The following CTNNA3 variants were observed in gnomAD, a reference collection of about 807,000 sequenced individuals.
The protein encoded by CTNNA3 is catenin alpha-3.
A neutral mutation model predicts 95.7 loss-of-function variants in CTNNA3; 76 were observed. The observed-to-expected ratio is 0.79, with a 90% CI of 0.66 to 0.96. The LOEUF is 0.96. CTNNA3 is among the 40% of genes least tolerant of loss of function. The probability of loss-of-function intolerance (pLI) is 0.00; values close to 1 mark genes in which losing one functional copy is unlikely to be tolerated. For synonymous variants in CTNNA3, 431 were observed against 374.4 expected (o/e 1.15, Z -1.74); for missense variants, 1,191 against 1,089.8 (o/e 1.09, Z -1.31).
intron 11 of CTNNA3, among the ~76,000 whole-genome samples, chr10:66,445,407 G>T (rs1382333798): frequency 3.3e-5 from 5 of 151,788 alleles, no homozygotes; most frequent in Non-Finnish European, 7.4e-5. Flanking sequence ...TTCCAAAATT[G>T]ACCACATAGT....
intron 10 of CTNNA3, among the ~76,000 whole-genome samples, chr10:66,568,800 AC>A (rs1300846538): frequency 6.6e-6 from 1 of 151,870 alleles, no homozygotes; most frequent in East Asian, 2.0e-4. Context: ...GGAATAGTAA[AC>A]AAAGAGAAAC....
chr10:66,720,403 G>T (rs1436564824), intron 9 of CTNNA3, among the ~76,000 whole-genome samples: 3 of 152,164 alleles, frequency 2.0e-5, no homozygotes, highest in Non-Finnish European at 4.4e-5. Flanking sequence ...CCTTTCATTT[G>T]CAACAAGTTG....
intron 7 of CTNNA3, among the ~76,000 whole-genome samples, chr10:66,914,657 T>C (rs1455070708): frequency 6.6e-6 from 1 of 151,972 alleles, no homozygotes; most frequent in Admixed American, 6.6e-5. Context: ...AAAGAGCTCA[T>C]GGAGCTAACC....
intron 5 of CTNNA3, among the ~76,000 whole-genome samples, chr10:67,512,877 C>T (rs955983299): frequency 1.3e-5 from 2 of 151,892 alleles, no homozygotes; most frequent in Admixed American, 6.6e-5. Context: ...CCCAGCTACT[C>T]GGGAAGCGGA....
At chr10:66,180,830 A>C (rs1278669372) in intron 13 of CTNNA3, among the ~76,000 whole-genome samples, 1 of 152,188 alleles carries the variant, frequency 6.6e-6, no homozygotes, top group East Asian at 1.9e-4. Flanking sequence ...ATCTGAGCTA[A>C]GCTTGAAGTG....
intron 9 of CTNNA3, among the ~76,000 whole-genome samples, chr10:66,707,755 T>C (rs1034129135): frequency 1.3e-5 from 2 of 152,106 alleles, no homozygotes; most frequent in African/African-American, 4.8e-5. Flanking sequence ...TTCAAAACCA[T>C]ATTTCATGTG....
chr10:66,993,411 T>A, intron 7 of CTNNA3, among the ~76,000 whole-genome samples: 1 of 152,180 alleles, frequency 6.6e-6, no homozygotes, highest in East Asian at 1.9e-4. Context: ...AGTGGCAATG[T>A]CACTTTGCTA....
chr10:67,685,502 G>A (rs1840713565), intron 1 of CTNNA3, among the ~76,000 whole-genome samples: 1 of 152,182 alleles, frequency 6.6e-6, no homozygotes. Flanking sequence ...AGGTCTGGTT[G>A]GACCTTTGTA....
At chr10:67,490,033 A>G (rs1848592577) in intron 5 of CTNNA3, among the ~76,000 whole-genome samples, 1 of 152,096 alleles carries the variant, frequency 6.6e-6, no homozygotes, top group African/African-American at 2.4e-5. Flanking sequence ...ATGTAATTTT[A>G]TTCTCATGTA....
intron 5 of CTNNA3, among the ~76,000 whole-genome samples, chr10:67,229,029 G>C (rs1455965598): frequency 1.3e-5 from 2 of 151,984 alleles, no homozygotes; most frequent in Non-Finnish European, 2.9e-5. Flanking sequence ...AGAAAATTAT[G>C]GACCGAGATC....
chr10:67,750,807 A>G, intron 1 of CTNNA3: 2 of 1,609,758 alleles, frequency 1.2e-6, no homozygotes, highest in Non-Finnish European at 1.7e-6. Context: ...ACAAACCTGG[A>G]CTGAAATATA....
At chr10:66,417,118 A>G (rs571786122) in intron 11 of CTNNA3, among the ~76,000 whole-genome samples, 2 of 152,158 alleles carry the variant, frequency 1.3e-5, no homozygotes, top group African/African-American at 4.8e-5. Flanking sequence ...TAAAAAAATG[A>G]TCCAACTACA....
intron 11 of CTNNA3, among the ~76,000 whole-genome samples, chr10:66,431,646 A>T (rs1343763229): frequency 6.6e-6 from 1 of 151,430 alleles, no homozygotes; most frequent in Non-Finnish European, 1.5e-5. Context: ...TGTCGCAAGG[A>T]CAAAAAAACC....
chr10:66,428,976 G>T (rs1589236477), intron 11 of CTNNA3, among the ~76,000 whole-genome samples: 1 of 151,810 alleles, frequency 6.6e-6, no homozygotes, highest in African/African-American at 2.4e-5. Flanking sequence ...CTGGTTTTTT[G>T]AAAAGATCAA....
chr10:66,747,248 T>G (rs529760157), intron 9 of CTNNA3, among the ~76,000 whole-genome samples: 6 of 152,284 alleles, frequency 3.9e-5, no homozygotes, highest in African/African-American at 9.6e-5. Context: ...ATATCTTGGA[T>G]AGAAAAGGCA....
chr10:66,108,245 A>C (rs186428095), intron 13 of CTNNA3, among the ~76,000 whole-genome samples: 5 of 152,310 alleles, frequency 3.3e-5, no homozygotes, highest in Admixed American at 3.3e-4. Flanking sequence ...ACACACACAC[A>C]AACAAACACT....
intron 7 of CTNNA3, among the ~76,000 whole-genome samples, chr10:66,802,486 G>C (rs191862141): frequency 4.6e-5 from 7 of 151,646 alleles, no homozygotes; most frequent in Non-Finnish European, 7.4e-5. Context: ...AAGACTGACC[G>C]TACCAAATGT....
rs530088603 is a variant in CTNNA3 at position 67,296,802 on chromosome 10, C to T, written c.580-76932G>A. ...TACAAAAAGTAGCCAGGCATAGTGGCAGGTGCCTGTAATCCCAGCTACTTG... is the reference window on the plus strand; with the variant it reads ...TACAAAAAGTAGCCAGGCATAGTGGTAGGTGCCTGTAATCCCAGCTACTTG... On this transcript the variant is annotated intron_variant, in intron 5 of 17. Coordinates refer to ENST00000433211, the MANE Select transcript of CTNNA3 (RefSeq NM_013266.4). 2.0e-5 allele frequency among the ~76,000 whole-genome samples: 3 copies of T among 151,988 alleles called. No homozygotes were observed. In the East Asian group the frequency reaches 5.8e-4, roughly 29 times the overall value.
intron 13 of CTNNA3, among the ~76,000 whole-genome samples, chr10:66,148,536 C>A (rs971362841): frequency 7.4e-4 from 113 of 152,084 alleles, no homozygotes; most frequent in African/African-American, 2.6e-3. Flanking sequence ...CCCTTTGGCT[C>A]ATTCTGCCAG....
Sources: allele counts gnomAD v4.1 joint callset (sites outside exome capture counted in the v4.1 genomes callset), GRCh38; gene constraint gnomAD v4.1.1; transcripts MANE v1.5; gene names NCBI Gene and HGNC (gene_info 2026-07-23, HGNC 2026-07-21).